Variants in CDIN1 observed in about 807,000 individuals in gnomAD.
CDIN1 encodes the protein CDAN1 interacting nuclease 1.
Under a neutral mutation model 45.3 loss-of-function variants are expected in CDIN1, and 33 were observed. The observed-to-expected ratio is 0.73, with a 90% CI of 0.55 to 0.97. The LOEUF (loss-of-function observed/expected upper bound fraction) is 0.97. Among genes scored for constraint, CDIN1 ranks in the 50% least tolerant of loss-of-function variants. CDIN1 has a pLI of 0.00. For synonymous variants in CDIN1, 118 were observed against 124.4 expected (o/e 0.95, Z 0.34); for missense variants, 303 against 339.4 (o/e 0.89, Z 0.84).
chr15:36,713,765 C>T (rs2043133951), intron 10 of CDIN1, among the ~76,000 whole-genome samples: 1 of 152,168 alleles, frequency 6.6e-6, no homozygotes, highest in Non-Finnish European at 1.5e-5. Flanking sequence ...ATAAACTACT[C>T]AGCTAATTTC....
At chr15:36,662,311 G>A (rs530562323) in intron 5 of CDIN1, among the ~76,000 whole-genome samples, 1 of 152,156 alleles carries the variant, frequency 6.6e-6, no homozygotes, top group Non-Finnish European at 1.5e-5. Context: ...AACATAATGT[G>A]TATAATCCCT....
At chr15:36,641,978 T>G (rs2040128898) in intron 1 of CDIN1, 1 of 152,228 alleles carries the variant, frequency 6.6e-6, no homozygotes, top group Non-Finnish European at 1.5e-5. Flanking sequence ...AAGTTGAATT[T>G]ATTCTGTAAC....
At chr15:36,599,883 T>C (rs1030612739) in intron 1 of CDIN1, among the ~76,000 whole-genome samples, 1 of 152,228 alleles carries the variant, frequency 6.6e-6, no homozygotes, top group African/African-American at 2.4e-5. Flanking sequence ...GACACAGTGC[T>C]GTCACTGTTA....
At chr15:36,788,297 G>A (rs2054559343) in intron 10 of CDIN1, among the ~76,000 whole-genome samples, 1 of 151,124 alleles carries the variant, frequency 6.6e-6, no homozygotes, top group South Asian at 2.1e-4. Flanking sequence ...TGTATTTTTA[G>A]TAGAGACAGG....
intron 3 of CDIN1, 41 bp downstream of exon 3, chr15:36,645,328 A>G (rs1268271102): frequency 1.5e-6 from 2 of 1,365,428 alleles, no homozygotes; most frequent in East Asian, 2.5e-5. Flanking sequence ...CATAGTACCT[A>G]TTAATTGTAA....
At chr15:36,724,190 G>C (rs2043538329) in intron 10 of CDIN1, among the ~76,000 whole-genome samples, 1 of 152,168 alleles carries the variant, frequency 6.6e-6, no homozygotes, top group Admixed American at 6.5e-5. Flanking sequence ...GGATATTCTG[G>C]TAGCAGTGCT....
intron 1 of CDIN1, chr15:36,613,849 T>C: frequency 3.8e-6 from 6 of 1,597,460 alleles, no homozygotes; most frequent in East Asian, 4.5e-5. Flanking sequence ...ATAGGAAGTA[T>C]GAAGAGGTGG....
At chr15:36,598,708 C>T (rs372726057) in intron 1 of CDIN1, among the ~76,000 whole-genome samples, 19 of 151,940 alleles carry the variant, frequency 1.3e-4, no homozygotes, top group African/African-American at 3.9e-4. Context: ...TCCTTCTGTC[C>T]GTCCCTCCCT....
chr15:36,798,024 G>GAAAAAAA (rs1416463141), intron 10 of CDIN1, among the ~76,000 whole-genome samples: 1 of 48,826 alleles, frequency 2.0e-5, no homozygotes, highest in African/African-American at 7.6e-5. Context: ...AGAGTTATTA[G>GAAAAAAA]CAAAAAAAAA....
At chr15:36,594,253 A>T (rs1190898544) in intron 1 of CDIN1, among the ~76,000 whole-genome samples, 1 of 152,176 alleles carries the variant, frequency 6.6e-6, no homozygotes, top group East Asian at 1.9e-4. Flanking sequence ...AAAACAGGTG[A>T]GATGTTTTTG....
At chr15:36,633,303 G>T (rs893862139) in intron 1 of CDIN1, among the ~76,000 whole-genome samples, 3 of 152,062 alleles carry the variant, frequency 2.0e-5, no homozygotes, top group Non-Finnish European at 4.4e-5. Flanking sequence ...ACTGTTGTAG[G>T]TATGATTGAA....
chr15:36,671,234 A>G (rs1322726429), intron 5 of CDIN1, among the ~76,000 whole-genome samples: 1 of 152,166 alleles, frequency 6.6e-6, no homozygotes, highest in Non-Finnish European at 1.5e-5. Context: ...TAGCTGCACC[A>G]GTCACGAAAC....
chr15:36,666,450 C>T (rs531894973), intron 5 of CDIN1, among the ~76,000 whole-genome samples: 261 of 152,200 alleles, frequency 1.7e-3, no homozygotes, highest in African/African-American at 5.8e-3. Flanking sequence ...AACACTTGCC[C>T]CTTCCCCTCA....
intron 5 of CDIN1, among the ~76,000 whole-genome samples, chr15:36,687,060 A>G (rs1595471473): frequency 1.3e-5 from 2 of 151,930 alleles, no homozygotes; most frequent in African/African-American, 4.8e-5. Context: ...TGGAAGGAGA[A>G]ATCAGTGTAG....
At chr15:36,658,432 A>G (rs2040864166) in intron 5 of CDIN1, 2 of 152,236 alleles carry the variant, frequency 1.3e-5, no homozygotes, top group South Asian at 4.1e-4. Flanking sequence ...CAACTGCATG[A>G]TTAAAACCGG....
chr15:36,683,830 C>G lies in CDIN1; in HGVS notation c.347-7855C>G, dbSNP rs1308584722. Among the ~76,000 whole-genome samples the G allele has an allele frequency of 1.3e-4, 13 of 101,394 alleles. 1 individual carries two copies. The highest frequency in any genetic ancestry group is 1.1e-3 in the East Asian group (4 of 3,674). The allele number at this position is 101,394 out of a possible 152,430, so 66.5% of individuals were successfully genotyped here. A position where few individuals can be genotyped will look rare whatever the true frequency, so the allele number is the denominator to read the frequency against. ...GTTGGATTCCTAGGTATTTTATTCT[C>G]TTTGAAGCAATTGTGAATGGGAGTT... On this transcript the variant is annotated intron_variant, in intron 5 of 10. Coordinates refer to ENST00000566621, the MANE Select transcript of CDIN1 (RefSeq NM_001321759.2).
intron 10 of CDIN1, among the ~76,000 whole-genome samples, chr15:36,721,593 CTG>C (rs2043419112): frequency 6.6e-6 from 1 of 152,134 alleles, no homozygotes; most frequent in Admixed American, 6.6e-5. Flanking sequence ...GTGGTTATCT[CTG>C]TAAATTTTCT....
intron 5 of CDIN1, chr15:36,691,215 C>A (rs764829789): frequency 1.9e-6 from 1 of 517,656 alleles, no homozygotes; most frequent in South Asian, 1.4e-5. Context: ...TGGCTGAAAG[C>A]CATTTTAATT....
At chr15:36,591,705 C>T (rs2037584173) in intron 1 of CDIN1, 1 of 152,156 alleles carries the variant, frequency 6.6e-6, no homozygotes, top group African/African-American at 2.4e-5. Context: ...TATTCAGATT[C>T]AGTGACTTAT....
Sources: gnomAD v4.1 joint callset for allele counts (sites outside exome capture counted in the v4.1 genomes callset) on GRCh38, gnomAD v4.1.1 for gene constraint, MANE v1.5 for transcripts, NCBI Gene and HGNC (gene_info 2026-07-23, HGNC 2026-07-21) for gene names.